CNTNAP2: variants seen among roughly 807,000 people sequenced by gnomAD.
CNTNAP2 encodes the protein contactin-associated protein-like 2.
A neutral mutation model predicts 155.2 loss-of-function variants in CNTNAP2; 98 were observed. The observed-to-expected ratio is 0.63, with a 90% CI of 0.54 to 0.75. CNTNAP2 has a LOEUF of 0.75. CNTNAP2 is among the 30% of genes least tolerant of loss of function. The probability of loss-of-function intolerance (pLI) is 0.00; values close to 1 mark genes in which losing one functional copy is unlikely to be tolerated. For missense variants in CNTNAP2, 1,727 were observed against 1,688.1 expected (o/e 1.02, Z -0.40); for synonymous variants, 651 against 631.2 (o/e 1.03, Z -0.47).
intron 11 of CNTNAP2, among the ~76,000 whole-genome samples, chr7:147,559,483 A>C (rs372220430): frequency 1.3e-5 from 2 of 152,228 alleles, no homozygotes; most frequent in African/African-American, 4.8e-5. Flanking sequence ...TAAAAAGCAC[A>C]CTTTAGTGAG....
At chr7:148,105,817 C>T (rs1313486483) in intron 15 of CNTNAP2, among the ~76,000 whole-genome samples, 1 of 152,138 alleles carries the variant, frequency 6.6e-6, no homozygotes, top group Non-Finnish European at 1.5e-5. Flanking sequence ...GAACTCCTGA[C>T]CTCAGGTGAT....
intron 11 of CNTNAP2, among the ~76,000 whole-genome samples, chr7:147,549,533 A>G (rs1799809782): frequency 6.6e-6 from 1 of 152,220 alleles, no homozygotes; most frequent in Non-Finnish European, 1.5e-5. Flanking sequence ...ATATAAAATC[A>G]TGTCATCTGC....
intron 1 of CNTNAP2, among the ~76,000 whole-genome samples, chr7:146,646,024 A>G (rs1225509906): frequency 1.3e-5 from 2 of 152,212 alleles, no homozygotes; most frequent in African/African-American, 2.4e-5. Flanking sequence ...ACGAATTACT[A>G]TGTTAAAACT....
At chr7:147,673,954 A>T (rs1795828037) in intron 13 of CNTNAP2, among the ~76,000 whole-genome samples, 1 of 152,212 alleles carries the variant, frequency 6.6e-6, no homozygotes, top group Non-Finnish European at 1.5e-5. Context: ...ATAAGAAAAA[A>T]TAATAAAACA....
chr7:147,338,724 G>GA (rs893975108), intron 9 of CNTNAP2, among the ~76,000 whole-genome samples: 4 of 151,128 alleles, frequency 2.6e-5, no homozygotes, highest in African/African-American at 4.9e-5. Context: ...CAGAGTACAG[G>GA]AAAAAAAACT....
intron 1 of CNTNAP2, among the ~76,000 whole-genome samples, chr7:146,623,753 T>C (rs1434658270): frequency 6.6e-6 from 1 of 152,184 alleles, no homozygotes; most frequent in African/African-American, 2.4e-5. Context: ...TTCAGTTGAG[T>C]AAATACCTAG....
At chr7:146,967,919 G>A (rs1220100797) in intron 3 of CNTNAP2, among the ~76,000 whole-genome samples, 8 of 150,214 alleles carry the variant, frequency 5.3e-5, no homozygotes, top group East Asian at 1.9e-4. Flanking sequence ...CAGTTTTTGC[G>A]CATTCAGTAT....
At chr7:147,243,586 A>C (rs1402685036) in intron 8 of CNTNAP2, among the ~76,000 whole-genome samples, 1 of 152,176 alleles carries the variant, frequency 6.6e-6, no homozygotes, top group Admixed American at 6.6e-5. Context: ...CTACAAATCA[A>C]CTTGATTCAA....
chr7:146,152,448 A>G (rs543876288), intron 1 of CNTNAP2, among the ~76,000 whole-genome samples: 1 of 152,218 alleles, frequency 6.6e-6, no homozygotes, highest in African/African-American at 2.4e-5. Context: ...CAAGGGGTCT[A>G]TTGTACAACG....
chr7:146,389,746 G>A (rs1795513653), intron 1 of CNTNAP2, among the ~76,000 whole-genome samples: 1 of 147,062 alleles, frequency 6.8e-6, no homozygotes, highest in Admixed American at 6.9e-5. Flanking sequence ...TGTCACTCAG[G>A]CTGGAGTGCA....
intron 13 of CNTNAP2, among the ~76,000 whole-genome samples, chr7:147,648,425 G>A (rs1306119677): frequency 6.6e-6 from 1 of 152,126 alleles, no homozygotes; most frequent in Admixed American, 6.5e-5. Flanking sequence ...TGCAAAATAG[G>A]ACTCAGAGGA....
At chr7:146,944,872 C>A (rs561347399) in intron 3 of CNTNAP2, among the ~76,000 whole-genome samples, 2 of 149,390 alleles carry the variant, frequency 1.3e-5, no homozygotes, top group Non-Finnish European at 3.0e-5. Context: ...TGCGAGACTC[C>A]GTCTAAAAAA....
intron 18 of CNTNAP2, among the ~76,000 whole-genome samples, chr7:148,183,739 C>T (rs1795076550): frequency 1.3e-5 from 2 of 152,114 alleles, no homozygotes; most frequent in South Asian, 4.1e-4. Flanking sequence ...ACCTCAGCCT[C>T]CCAAAGAGCT....
At position 146,475,005 on chromosome 7, in the gene CNTNAP2, G is replaced by GCA. The variant is rs1229685388; in HGVS notation, c.98-299265_98-299264insAC. On this transcript the variant is annotated intron_variant, in intron 1 of 23. Coordinates refer to ENST00000361727, the MANE Select transcript of CNTNAP2 (RefSeq NM_014141.6). ...TGCCTGAGCACGAGCGCGCACGCGCGCGCGCGCGCACACACACACACACAC... is the reference window on the plus strand; with the variant it reads ...TGCCTGAGCACGAGCGCGCACGCGCGCACGCGCGCGCACACACACACACACAC... Among the ~76,000 whole-genome samples, 6 of 127,426 alleles carry GCA rather than the reference G, an allele frequency of 4.7e-5. No individual in the cohort carries two copies. The East Asian group carries it at 6.6e-4, about 14-fold the overall frequency. The allele number at this position is 127,426 out of a possible 152,430, so 83.6% of individuals were successfully genotyped here.
intron 21 of CNTNAP2, 36 bp from the exon 22 acceptor site, chr7:148,383,611 TGA>T: frequency 6.2e-7 from 1 of 1,614,136 alleles, no homozygotes; most frequent in Middle Eastern, 1.6e-4. Flanking sequence ...TGGACTATGG[TGA>T]GTCAAGTAAC....
chr7:147,158,025 A>G (rs1801958964), intron 8 of CNTNAP2, among the ~76,000 whole-genome samples: 1 of 152,100 alleles, frequency 6.6e-6, no homozygotes, highest in African/African-American at 2.4e-5. Context: ...GTCCTTAAGA[A>G]GTAATAAAAA....
intron 1 of CNTNAP2, among the ~76,000 whole-genome samples, chr7:146,139,483 T>C (rs1381130313): frequency 6.6e-6 from 1 of 152,142 alleles, no homozygotes; most frequent in Admixed American, 6.6e-5. Context: ...TTTCTAAAAA[T>C]CAATGAGAAA....
In CNTNAP2 at chr7:148,326,727, T is replaced by C. The variant is rs530156904; in HGVS notation, c.3476-56922T>C. Among the ~76,000 whole-genome samples the C allele has an allele frequency of 5.3e-5, 8 of 152,154 alleles. No homozygotes were observed. The South Asian group carries it at 1.7e-3, about 32-fold the overall frequency. The stretch of plus-strand genomic sequence containing the variant: ...TAAAAATACAAAAATTAGCCGGGCA[T>C]GGTGGTGGGCACCTGTAGTCCCAGC... On this transcript the variant is annotated intron_variant, in intron 21 of 23. Transcript: ENST00000361727.
chr7:147,493,457 G>C (rs761079876), intron 11 of CNTNAP2, among the ~76,000 whole-genome samples: 4 of 151,990 alleles, frequency 2.6e-5, no homozygotes, highest in African/African-American at 4.8e-5. Context: ...TCCAACTGCA[G>C]GACCACAGGA....
Sources: gnomAD v4.1 joint callset for allele counts (sites outside exome capture counted in the v4.1 genomes callset) on GRCh38, gnomAD v4.1.1 for gene constraint, MANE v1.5 for transcripts, NCBI Gene and HGNC (gene_info 2026-07-23, HGNC 2026-07-21) for gene names.